Variants in TRPM3 observed in about 807,000 individuals in gnomAD.
TRPM3 encodes transient receptor potential cation channel subfamily M member 3, also known as long transient receptor potential channel 3.
A neutral mutation model predicts 181.2 loss-of-function variants in TRPM3; 77 were observed. That is an observed-to-expected ratio of 0.42 (90% CI 0.35 to 0.51). The LOEUF is 0.51. Ranked by LOEUF, TRPM3 falls within the 20% of genes least tolerant of loss-of-function variation. The pLI is 0.01. For synonymous variants in TRPM3, 745 were observed against 796.4 expected, an observed-to-expected ratio of 0.94 and a Z score of 1.09; for missense variants, 1,759 against 2,196.7, an observed-to-expected ratio of 0.80 and a Z score of 3.98.
chr9:70,923,317 T>C (rs115198073), intron 1 of TRPM3, among the ~76,000 whole-genome samples: 245 of 152,246 alleles, frequency 1.6e-3, no homozygotes, highest in African/African-American at 5.8e-3. Context: ...ATTTTGCAGG[T>C]TTTGTCCTAT....
chr9:71,191,775 G>A (rs1037333746), intron 1 of TRPM3, among the ~76,000 whole-genome samples: 71 of 125,008 alleles, frequency 5.7e-4, no homozygotes, highest in African/African-American at 2.0e-3. Context: ...AGTCCCTAAA[G>A]AAACAACAGA....
intron 9 of TRPM3, among the ~76,000 whole-genome samples, chr9:70,647,338 C>T (rs934512727): frequency 2.0e-5 from 3 of 152,144 alleles, no homozygotes; most frequent in African/African-American, 7.2e-5. Context: ...AAAAACTTAT[C>T]CATCATGATC....
chr9:71,231,529 C>G (rs2081050575), intron 1 of TRPM3, among the ~76,000 whole-genome samples: 1 of 152,304 alleles, frequency 6.6e-6, no homozygotes, highest in Non-Finnish European at 1.5e-5. Flanking sequence ...GAGAACAGAT[C>G]TGTGCTCTTT....
intron 9 of TRPM3, among the ~76,000 whole-genome samples, chr9:70,671,745 C>G (rs1278420477): frequency 6.6e-6 from 1 of 152,004 alleles, no homozygotes; most frequent in African/African-American, 2.4e-5. Flanking sequence ...ATTTGACATA[C>G]TTTGCCCCTC....
intron 6 of TRPM3, among the ~76,000 whole-genome samples, chr9:70,803,451 GTTTTT>G (rs36024262): frequency 1.6e-5 from 2 of 125,296 alleles, no homozygotes; most frequent in Admixed American, 8.4e-5. Context: ...CGTTTTTGTT[GTTTTT>G]TTTTTTTTTT....
At chr9:71,372,272 G>A (rs553470507) in intron 1 of TRPM3, among the ~76,000 whole-genome samples, 1 of 152,170 alleles carries the variant, frequency 6.6e-6, no homozygotes, top group South Asian at 2.1e-4. Flanking sequence ...CTTTGCTATT[G>A]TAAATAGTGC....
intron 1 of TRPM3, among the ~76,000 whole-genome samples, chr9:71,201,299 C>T (rs565464319): frequency 0.011 from 1,703 of 152,166 alleles, 30 homozygotes; most frequent in African/African-American, 0.039. Context: ...CTCTGGCTGC[C>T]CTTAACATTT....
chr9:71,264,594 C>T (rs1304173390), intron 1 of TRPM3, among the ~76,000 whole-genome samples: 1 of 152,158 alleles, frequency 6.6e-6, no homozygotes, highest in Non-Finnish European at 1.5e-5. Flanking sequence ...AAGCTTTAAA[C>T]ACATACATTT....
intron 6 of TRPM3, among the ~76,000 whole-genome samples, chr9:70,797,443 C>T (rs921591553): frequency 3.3e-5 from 5 of 151,978 alleles, no homozygotes; most frequent in Non-Finnish European, 7.4e-5. Context: ...TAGGAAAGGC[C>T]CATTGTTTTT....
chr9:70,827,407 A>AG, intron 6 of TRPM3: 1 of 152,770 alleles, frequency 6.5e-6, no homozygotes. Context: ...GCTTTAGCTT[A>AG]GAGAGTGAAT....
intron 1 of TRPM3, among the ~76,000 whole-genome samples, chr9:70,962,458 C>A (rs1218683254): frequency 6.6e-6 from 1 of 152,094 alleles, no homozygotes; most frequent in Non-Finnish European, 1.5e-5. Flanking sequence ...GCTTTCAAGT[C>A]TCTCTGGTCT....
At chr9:70,982,928 T>G (rs1161276239) in intron 1 of TRPM3, among the ~76,000 whole-genome samples, 1 of 152,088 alleles carries the variant, frequency 6.6e-6, no homozygotes, top group Non-Finnish European at 1.5e-5. Context: ...CTCAAACTCC[T>G]GACCTCGTGT....
At chr9:71,259,245 T>C (rs1298303981) in intron 1 of TRPM3, among the ~76,000 whole-genome samples, 1 of 152,346 alleles carries the variant, frequency 6.6e-6, no homozygotes, top group East Asian at 1.9e-4. Flanking sequence ...TATGGCTGCA[T>C]AGTATTTCAC....
At chr9:71,229,738 A>G (rs1425735515) in intron 1 of TRPM3, among the ~76,000 whole-genome samples, 1 of 152,160 alleles carries the variant, frequency 6.6e-6, no homozygotes. Context: ...GTAAGGTATC[A>G]CCTCACCCCA....
chr9:71,306,526 G>T (rs1441640325), intron 1 of TRPM3, among the ~76,000 whole-genome samples: 1 of 152,066 alleles, frequency 6.6e-6, no homozygotes, highest in African/African-American at 2.4e-5. Flanking sequence ...TTGGAAAATA[G>T]ATTATAAATT....
chr9:71,160,970 T>A (rs2076247765), intron 1 of TRPM3, among the ~76,000 whole-genome samples: 1 of 152,144 alleles, frequency 6.6e-6, no homozygotes, highest in Non-Finnish European at 1.5e-5. Flanking sequence ...TCAATGTAAA[T>A]CAATTCAGCC....
chr9:70,752,020 G>A (rs961743667), intron 8 of TRPM3, among the ~76,000 whole-genome samples: 4 of 117,566 alleles, frequency 3.4e-5, no homozygotes, highest in African/African-American at 1.2e-4. Context: ...GTGTGTGTGT[G>A]TGTGTGTGTG....
intron 6 of TRPM3, among the ~76,000 whole-genome samples, chr9:70,794,956 T>A (rs1306331714): frequency 6.6e-6 from 1 of 152,174 alleles, no homozygotes; most frequent in Non-Finnish European, 1.5e-5. Context: ...TGAAAAAAAA[T>A]TATTCCTATA....
intron 1 of TRPM3, among the ~76,000 whole-genome samples, chr9:71,386,446 T>C (rs944680803): frequency 1.3e-5 from 2 of 151,546 alleles, no homozygotes; most frequent in African/African-American, 4.9e-5. Context: ...AGACTCTGTC[T>C]TTTGAAAAAA....
Sources: allele counts gnomAD v4.1 joint callset (sites outside exome capture counted in the v4.1 genomes callset), GRCh38; gene constraint gnomAD v4.1.1; transcripts MANE v1.5; gene names NCBI Gene and HGNC (gene_info 2026-07-23, HGNC 2026-07-21).